RADIL: variants seen among roughly 807,000 people sequenced by gnomAD.
RADIL encodes ras-associating and dilute domain-containing protein.
RADIL carries 99 observed loss-of-function variants against 97.6 expected under a neutral mutation model. The ratio of observed to expected loss-of-function variants is 1.01; its 90% CI spans 0.86 to 1.20. RADIL has a LOEUF of 1.20. RADIL is among the 50% of genes most tolerant of loss of function. The pLI is 0.00. For missense variants in RADIL, 1,765 were observed against 1,498.9 expected (o/e 1.18, Z -2.93); for synonymous variants, 803 against 691.8 (o/e 1.16, Z -2.52).
rs755167122 is a variant in RADIL at position 4,801,930 on chromosome 7, G to T, written c.2565C>A (p.Asp855Glu). The T allele has an allele frequency of 1.9e-6, 3 of 1,567,604 alleles. No individual in the cohort carries two copies. The highest frequency in any genetic ancestry group is 2.6e-6 in the Non-Finnish European group (3 of 1,158,872). The change falls in exon 12 of 15, where the codon GAC becomes GAA. Residue 855 changes from aspartate to glutamate, a missense_variant. Asp to Glu is a conservative substitution (Grantham distance 45, BLOSUM62 2). Coordinates refer to ENST00000399583, the MANE Select transcript of RADIL (RefSeq NM_018059.5). ...EAPSCPLAPR[D>E]PGPAAREVAP... ...CCACTTCCCGGGCTGCTGGGCCAGG[G>T]TCCCTGGGAGCCAGGGGGCAGCTCG...
chr7:4,800,145 T>C, intron 13 of RADIL, 26 bp downstream of exon 13: 2 of 1,559,316 alleles, frequency 1.3e-6, no homozygotes, highest in Non-Finnish European at 1.7e-6. Flanking sequence ...AGTATGGGGG[T>C]GCGGCGAGGG....
rs947412817 is a variant in RADIL at position 4,860,120 on chromosome 7, G to C, written c.535+17485C>G. The C allele has an allele frequency of 5.0e-6, 8 of 1,613,878 alleles. No individual in the cohort carries two copies. The highest frequency in any genetic ancestry group is 1.6e-4 in the Middle Eastern group (1 of 6,084). ...AGCCTGTATGTTAGCCACAGATGCT[G>C]TCATTACAGCCAAGGCAGGACTGTT... is the stretch of plus-strand genomic sequence containing the variant. On this transcript the variant is annotated intron_variant, in intron 2 of 14. Transcript: ENST00000399583.
chr7:4,832,182 C>T lies in RADIL; in HGVS notation c.1417-4G>A. 2 of 1,611,348 alleles carry T rather than the reference C, an allele frequency of 1.2e-6. No individual in the cohort carries two copies. The highest frequency in any genetic ancestry group is 1.7e-6 in the Non-Finnish European group (2 of 1,178,554). On this transcript the variant is annotated splice_polypyrimidine_tract_variant and splice_region_variant and intron_variant, in intron 4 of 14. Coordinates refer to ENST00000399583, the MANE Select transcript of RADIL (RefSeq NM_018059.5). Reference sequence around the variant, plus strand: ...CTGCTAGTTCTTTGGTTTTCTCCTACAATTACAAAGCGGGAGAAAAAGCAA... The same window carrying T: ...CTGCTAGTTCTTTGGTTTTCTCCTATAATTACAAAGCGGGAGAAAAAGCAA...
In RADIL at chr7:4,801,911, C is replaced by T. The variant is rs1782099649; in HGVS notation, c.2584G>A (p.Glu862Lys). Residue 862 changes from glutamate (E) to lysine (K), a missense_variant, in exon 12 of 15, where the codon GAA (glutamate) becomes AAA (lysine). Glu to Lys is a moderately conservative substitution (Grantham distance 56). Coordinates refer to ENST00000399583, the MANE Select transcript of RADIL (RefSeq NM_018059.5). ...APRDPGPAAR[E>K]VAPERTLPLR... ...GGAAGAGTACGCTCCGGGGCCACTTCCCGGGCTGCTGGGCCAGGGTCCCTG... is the reference window on the plus strand; with the variant it reads ...GGAAGAGTACGCTCCGGGGCCACTTTCCGGGCTGCTGGGCCAGGGTCCCTG... The T allele has an allele frequency of 1.3e-6, 2 of 1,568,570 alleles. No individual in the cohort carries two copies. The highest frequency in any genetic ancestry group is 4.6e-5 in the East Asian group (2 of 43,778).
chr7:4,842,830 C>T lies in RADIL; in HGVS notation c.536-6225G>A, dbSNP rs1787854649. Among the ~76,000 whole-genome samples, 1 of 151,908 alleles carries T rather than the reference C, an allele frequency of 6.6e-6. No individual in the cohort carries two copies. Among genetic ancestry groups the T allele is most frequent in the African/African-American group, 2.4e-5 (1 of 41,352 alleles). ...ACGTTCCTGGGCTGGGGAACTTTACCACTACTGGGGAACCGGAGACCATTG... is the reference window on the plus strand; with the variant it reads ...ACGTTCCTGGGCTGGGGAACTTTACTACTACTGGGGAACCGGAGACCATTG... On this transcript the variant is annotated intron_variant, in intron 2 of 14. Transcript: ENST00000399583. This position sits in a 1 kb window ranked among gnomAD's most constrained non-coding sequence, Gnocchi z 4.5.
chr7:4,835,320 T>G lies in RADIL; in HGVS notation c.784-81A>C. On this transcript the variant is annotated intron_variant, in intron 3 of 14. Transcript: ENST00000399583. The surrounding 1 kb of genome is among the most constrained non-coding windows in gnomAD (Gnocchi z 5.8). ...CGTCCCGTGTCTAGTCACTGGTTGC[T>G]GAAGCAGCGTGGCTGGGATGCTGTC... The G allele has an allele frequency of 1.3e-6, 2 of 1,524,426 alleles. No individual in the cohort carries two copies. Among genetic ancestry groups the G allele is most frequent in the East Asian group, 4.8e-5 (2 of 41,256 alleles). The allele number at this position is 1,524,426 out of a possible 1,614,324, so 94.4% of individuals were successfully genotyped here.
intron 2 of RADIL, among the ~76,000 whole-genome samples, chr7:4,864,256 T>G (rs1784085336): frequency 6.6e-6 from 1 of 152,196 alleles, no homozygotes; most frequent in African/African-American, 2.4e-5. Flanking sequence ...GACACCATAC[T>G]CTTTGTCTTC....
chr7:4,803,799 C>G (rs1450464252), intron 10 of RADIL, 45 bp from the exon 11 acceptor site: 1 of 1,507,850 alleles, frequency 6.6e-7, no homozygotes, highest in South Asian at 1.2e-5. Flanking sequence ...GGAGAAGCTG[C>G]CTCCCTCGCC....
At position 4,818,198 on chromosome 7, in the gene RADIL, C is replaced by A. The variant is rs1782730319; in HGVS notation, c.1616-847G>T. On this transcript the variant is annotated intron_variant, in intron 6 of 14. Transcript: ENST00000399583. This position sits in a 1 kb window ranked among gnomAD's most constrained non-coding sequence, Gnocchi z 7.1. ...CAGAGGGGCCGCATCGTGGGGGCTG[C>A]CTGTCCAGGCCGCCTGCCAGGGCTG... is the stretch of plus-strand genomic sequence containing the variant. Among the ~76,000 whole-genome samples the A allele has an allele frequency of 6.6e-6, 1 of 152,212 alleles. No individual in the cohort carries two copies. The highest frequency in any genetic ancestry group is 1.5e-5 in the Non-Finnish European group (1 of 68,022).
At chr7:4,809,708 G>T (rs914347630) in intron 9 of RADIL, 55 of 890,272 alleles carry the variant, frequency 6.2e-5, no homozygotes, top group Non-Finnish European at 7.4e-5. Context: ...TTAGAGACGG[G>T]GTTTCGCTCT....
At chr7:4,799,517 A>T (rs1309948670) in intron 14 of RADIL, 34 bp from the exon 15 acceptor site, 1 of 1,613,100 alleles carries the variant, frequency 6.2e-7, no homozygotes, top group Non-Finnish European at 8.5e-7. Context: ...GGTGGGCAGG[A>T]GGGCACCAGG....
At chr7:4,804,255 C>T (rs1782217758) in intron 10 of RADIL, among the ~76,000 whole-genome samples, 2 of 152,216 alleles carry the variant, frequency 1.3e-5, no homozygotes, top group South Asian at 4.1e-4. Context: ...ATACTGAGCT[C>T]CTAGCTCCCA....
chr7:4,836,259 G>A, intron 3 of RADIL, 99 bp downstream of exon 3: 1 of 1,510,632 alleles, frequency 6.6e-7, no homozygotes, highest in East Asian at 2.5e-5. Context: ...AGAGCTCGCG[G>A]CCGACTGGGC....
rs922448245 is a variant in RADIL at position 4,800,211 on chromosome 7, C to T, written c.2942G>A (p.Arg981Gln). The T allele has an allele frequency of 8.7e-6, 14 of 1,608,056 alleles. No individual in the cohort carries two copies. The highest frequency in any genetic ancestry group is 1.3e-5 in the African/African-American group (1 of 74,590). Reference sequence around the variant, plus strand: ...GCCCATCCCCAGCCCGGAGGGGCCTCGTTCCAGCTCCACCGTGAAGACGTA... The same window carrying T: ...GCCCATCCCCAGCCCGGAGGGGCCTTGTTCCAGCTCCACCGTGAAGACGTA... Reference protein sequence around the residue: ...FCYVFTVELERGPSGLGMGLI... With the variant: ...FCYVFTVELEQGPSGLGMGLI... Residue 981 changes from arginine (R) to glutamine (Q), a missense_variant, in exon 13 of 15, where the codon CGA (arginine) becomes CAA (glutamine). Physicochemically the swap from Arg to Gln is conservative, Grantham distance 43 (BLOSUM62 1). Coordinates refer to ENST00000399583, the MANE Select transcript of RADIL (RefSeq NM_018059.5).
Position 4,805,784 on chromosome 7 carries a change from C to T in RADIL, c.2140-68G>A, listed in dbSNP as rs117021105. The T allele has an allele frequency of 1.6e-3, 2,478 of 1,538,956 alleles. 84 individuals are homozygous for T. In the East Asian group the frequency reaches 0.046, roughly 29 times the overall value. ...CAGACCCCAGCCCAAAGAGGGATGG[C>T]CTCCACAGGTGGCCTGGGGGTAGCC... On this transcript the variant is annotated intron_variant, in intron 9 of 14. Coordinates refer to ENST00000399583, the MANE Select transcript of RADIL (RefSeq NM_018059.5).
chr7:4,805,021 G>A (rs976389876), intron 10 of RADIL, among the ~76,000 whole-genome samples: 1 of 152,154 alleles, frequency 6.6e-6, no homozygotes, highest in African/African-American at 2.4e-5. Flanking sequence ...TTGAACCTGG[G>A]AGGTGGAGGT....
At chr7:4,864,024 A>C (rs1171736997) in intron 2 of RADIL, among the ~76,000 whole-genome samples, 1 of 152,202 alleles carries the variant, frequency 6.6e-6, no homozygotes, top group Non-Finnish European at 1.5e-5. Flanking sequence ...TCTTATATTT[A>C]TCCAACATTT....
At position 4,815,180 on chromosome 7, in the gene RADIL, G is replaced by T; in HGVS notation, c.2139+98C>A. 1 of 1,378,506 alleles carries T rather than the reference G, an allele frequency of 7.3e-7. No individual in the cohort carries two copies. The highest frequency in any genetic ancestry group is 9.6e-7 in the Non-Finnish European group (1 of 1,044,948). 85.4% of individuals were successfully genotyped at this position (1,378,506 alleles called of 1,614,324 possible). A position where few individuals can be genotyped will look rare whatever the true frequency, so the allele number is the denominator to read the frequency against. ...TAGCTTTGAGGTTTCCAGCCAAGAAGCCCCGTCCCGGCCCCCAGGCTTGGT... is the reference window on the plus strand; with the variant it reads ...TAGCTTTGAGGTTTCCAGCCAAGAATCCCCGTCCCGGCCCCCAGGCTTGGT... On this transcript the variant is annotated intron_variant, in intron 9 of 14. Transcript: ENST00000399583. The surrounding 1 kb of genome is among the most constrained non-coding windows in gnomAD (Gnocchi z 8.0).
In RADIL at chr7:4,879,924, A is replaced by G. The variant is rs1270641327; in HGVS notation, c.-64-1721T>C. On this transcript the variant is annotated intron_variant, in intron 1 of 14. Coordinates refer to ENST00000399583, the MANE Select transcript of RADIL (RefSeq NM_018059.5). This position sits in a 1 kb window ranked among gnomAD's most constrained non-coding sequence, Gnocchi z 4.1. ...CACTCGCTTCCTCCAGAACCAGCCCAGGTCAGCCAGCAGCTGTGCTTTCTC... is the reference window on the plus strand; with the variant it reads ...CACTCGCTTCCTCCAGAACCAGCCCGGGTCAGCCAGCAGCTGTGCTTTCTC... 1.3e-5 allele frequency among the ~76,000 whole-genome samples: 2 copies of G among 152,214 alleles called. No individual in the cohort carries two copies. Among genetic ancestry groups the G allele is most frequent in the Non-Finnish European group, 2.9e-5 (2 of 68,044 alleles).
Sources: allele counts gnomAD v4.1 joint callset (sites outside exome capture counted in the v4.1 genomes callset), GRCh38; gene constraint gnomAD v4.1.1; non-coding constraint Gnocchi (gnomAD v3.1); transcripts MANE v1.5; gene names NCBI Gene and HGNC (gene_info 2026-07-23, HGNC 2026-07-21).